The following TTN variants were observed in gnomAD, a reference collection of about 807,000 sequenced individuals.
TTN encodes connectin.
TTN carries 1,525 observed loss-of-function variants against 3,223.0 expected under a neutral mutation model. The observed-to-expected ratio is 0.47, with a 90% CI of 0.45 to 0.49. TTN has a LOEUF of 0.49. TTN is among the 20% of genes least tolerant of loss of function. The pLI, the probability that TTN is intolerant of heterozygous loss-of-function variation, is 0.00. For missense variants in TTN, 40,786 were observed against 43,424.0 expected (o/e 0.94, Z 5.40); for synonymous variants, 14,094 against 15,161.0 (o/e 0.93, Z 5.17).
At position 178,663,614 on chromosome 2, in the gene TTN, C is replaced by T. The variant is rs758624046; in HGVS notation, c.36532+13G>A. The T allele has an allele frequency of 2.4e-5, 38 of 1,613,528 alleles. No individual in the cohort carries two copies. In the East Asian group the frequency reaches 7.8e-4, roughly 33 times the overall value. ...AGATACATCATCTGAAGCCTAAAAT[C>T]AGTGACAAATACCTTTAACAGGTGG... On this transcript the variant is annotated intron_variant, in intron 171 of 362. Transcript: ENST00000589042.
rs1328837644 is a variant in TTN, at chr2:178,653,298, C to T, written c.38731G>A (p.Val12911Ile). 2.5e-6 allele frequency: 4 copies of T among 1,612,510 alleles called. No homozygotes were observed. The Admixed American group carries it at 5.0e-5, about 20-fold the overall frequency. ...GCCAAGGGCACTTTCTTTTCAAGGA[C>T]AACTTCTTTGGGAGCCTCTGGCACT... ...VTVPEAPKEV[V>I]LEKKVPLAPP... Residue 12911 changes from valine to isoleucine, a missense_variant, in exon 198 of 363, where the codon GTC (valine) becomes ATC (isoleucine). Coordinates refer to ENST00000589042, the MANE Select transcript of TTN (RefSeq NM_001267550.2).
intron 242 of TTN, among the ~76,000 whole-genome samples, chr2:178,623,362 G>T (rs535218926): frequency 6.6e-6 from 1 of 150,824 alleles, no homozygotes; most frequent in African/African-American, 2.4e-5. Context: ...GTATGGGAGG[G>T]TGATTAGGAT....
Position 178,709,867 on chromosome 2 carries a change from T to C in TTN, c.28463-11A>G, listed in dbSNP as rs557527670. On this transcript the variant is annotated splice_polypyrimidine_tract_variant and intron_variant, in intron 98 of 362. Coordinates refer to ENST00000589042, the MANE Select transcript of TTN (RefSeq NM_001267550.2). The stretch of plus-strand genomic sequence containing the variant: ...GTGGGATGAGCCGCTCTATAAGAAA[T>C]TGCAAGGATATATGAAGTAGAAGCT... The C allele has an allele frequency of 6.2e-7, 1 of 1,603,684 alleles. No homozygotes were observed. Among genetic ancestry groups the C allele is most frequent in the Non-Finnish European group, 8.5e-7 (1 of 1,174,126 alleles).
In TTN at chr2:178,598,760, T is replaced by C; in HGVS notation, c.56950A>G (p.Arg18984Gly). ...ASLPSDPATA[R>G]DPIAPPGPPF... ...TTTCCAGGCTTACCAATTGGATCTCTAGCAGTCGCTGGGTCTGATGGCAGA... is the reference window on the plus strand; with the variant it reads ...TTTCCAGGCTTACCAATTGGATCTCCAGCAGTCGCTGGGTCTGATGGCAGA... Residue 18984 changes from arginine to glycine, a missense_variant, in exon 291 of 363, where the codon AGA becomes GGA. By Grantham distance (125) the Arg-to-Gly change is moderately radical. Coordinates refer to ENST00000589042, the MANE Select transcript of TTN (RefSeq NM_001267550.2). 6.2e-7 allele frequency: 1 copy of C among 1,611,188 alleles called. No homozygotes were observed. Among genetic ancestry groups the C allele is most frequent in the East Asian group, 2.2e-5 (1 of 44,780 alleles).
intron 46 of TTN, among the ~76,000 whole-genome samples, chr2:178,755,877 A>T (rs1360684052): frequency 6.6e-6 from 1 of 152,230 alleles, no homozygotes; most frequent in Non-Finnish European, 1.5e-5. Context: ...ATCTGGCACA[A>T]TAATAAATAC....
At position 178,532,576 on chromosome 2, in the gene TTN, C is replaced by T. The variant is rs753652745; in HGVS notation, c.104039G>A (p.Arg34680Lys). ...YLAMKRTEEE[R>K]LRLEEELELG... ...CTCAAGCTCTTCTTCAAGACGCAGC[C>T]TCTCTTCCTCTGTTCTTTTCATTGC... Residue 34680 changes from arginine to lysine, a missense_variant, in exon 358 of 363, where the codon AGG becomes AAG. Arg to Lys is a conservative substitution (Grantham distance 26). Coordinates refer to ENST00000589042, the MANE Select transcript of TTN (RefSeq NM_001267550.2). The T allele has an allele frequency of 6.2e-7, 1 of 1,613,938 alleles. No homozygotes were observed. The highest frequency in any genetic ancestry group is 8.5e-7 in the Non-Finnish European group (1 of 1,179,844).
intron 270 of TTN, 131 bp downstream of exon 270, chr2:178,610,862 A>T (rs2154199340): frequency 8.7e-7 from 1 of 1,144,662 alleles, no homozygotes; most frequent in East Asian, 2.4e-5. Context: ...ATGGAAAGAC[A>T]TAATCAGAAG....
intron 96 of TTN, 70 bp downstream of exon 96, chr2:178,711,870 TAGGC>T: frequency 6.7e-7 from 1 of 1,490,326 alleles, no homozygotes; most frequent in Non-Finnish European, 8.9e-7. Context: ...TCCTAAAAAA[TAGGC>T]CTCCCCAGAC....
chr2:178,784,456 T>C (rs1451576053), intron 15 of TTN, 105 bp from the exon 16 acceptor site: 4 of 1,382,256 alleles, frequency 2.9e-6, no homozygotes, highest in Non-Finnish European at 4.0e-6. Context: ...TGTTCTTTAA[T>C]GTTCTCATTA....
rs778200357 is a variant in TTN at position 178,614,622 on chromosome 2, T to A, written c.48892A>T (p.Ile16298Phe). The change falls in exon 261 of 363, where the codon ATT becomes TTT. Residue 16298 changes from isoleucine (I) to phenylalanine (F), a missense_variant. Transcript: ENST00000589042. ...PKITWTKADM[I>F]LKQDKRITIE... Reference sequence around the variant, plus strand: ...GTAATTCTTTTGTCCTGCTTCAGAATCATATCAGCCTTTGTCCAAGTTATT... The same window carrying A: ...GTAATTCTTTTGTCCTGCTTCAGAAACATATCAGCCTTTGTCCAAGTTATT... The A allele has an allele frequency of 3.1e-6, 5 of 1,612,510 alleles. No homozygotes were observed. The Admixed American group carries it at 8.3e-5, about 27-fold the overall frequency.
Position 178,684,655 on chromosome 2 carries a change from G to A in TTN, c.32638+11C>T. The stretch of plus-strand genomic sequence containing the variant: ...ATGTTCCTAGTTTTTCTGCTGGGGA[G>A]GTTTGTTTACCTTTGGCTGGGAGAG... On this transcript the variant is annotated intron_variant, in intron 131 of 362. Coordinates refer to ENST00000589042, the MANE Select transcript of TTN (RefSeq NM_001267550.2). 1.2e-6 allele frequency: 2 copies of A among 1,602,600 alleles called. No individual in the cohort carries two copies. The highest frequency in any genetic ancestry group is 2.7e-5 in the African/African-American group (2 of 73,864).
At position 178,552,156 on chromosome 2, in the gene TTN, T is replaced by C; in HGVS notation, c.90744A>G (p.Val30248=). The part of the protein sequence containing the change: ...KADSVILSWD[V]PEDNGGGEIT... ...TTTCTCCTCCTCCATTATCTTCAGG[T>C]ACATCCCATGACAGGATGACACTAT... The change falls in exon 335 of 363, where the codon GTA becomes GTG. Residue 30248 remains valine, a synonymous_variant. Coordinates refer to ENST00000589042, the MANE Select transcript of TTN (RefSeq NM_001267550.2). The C allele has an allele frequency of 6.2e-7, 1 of 1,613,838 alleles. No individual in the cohort carries two copies. Among genetic ancestry groups the C allele is most frequent in the Non-Finnish European group, 8.5e-7 (1 of 1,179,798 alleles).
Position 178,735,783 on chromosome 2 carries a change from G to C in TTN, c.14663C>G (p.Pro4888Arg). Residue 4888 changes from proline to arginine, a missense_variant, in exon 50 of 363, where the codon CCA becomes CGA. Transcript: ENST00000589042. ...AGGCTCTAATTCTTTAATGAAATGT[G>C]GCTTATCAATGATGATCAACTCTGC... is the stretch of plus-strand genomic sequence containing the variant. ...CQAELIIIDK[P>R]HFIKELEPVQ... 1 of 1,613,680 alleles carries C rather than the reference G, an allele frequency of 6.2e-7. No individual in the cohort carries two copies. Among genetic ancestry groups the C allele is most frequent in the Non-Finnish European group, 8.5e-7 (1 of 1,179,788 alleles).
Position 178,537,603 on chromosome 2 carries a change from G to A in TTN, c.99604C>T (p.Leu33202=), listed in dbSNP as rs1440516552. The A allele has an allele frequency of 6.2e-7, 1 of 1,613,646 alleles. No individual in the cohort carries two copies. Among genetic ancestry groups the A allele is most frequent in the Non-Finnish European group, 8.5e-7 (1 of 1,179,670 alleles). ...ATPQFHPGYP[L]KEKYYGAVGS... The stretch of plus-strand genomic sequence containing the variant: ...ACAGCTCCATAATATTTCTCTTTCA[G>A]TGGGTAACCAGGATGGAACTGCGGT... Residue 33202 remains leucine (L), a synonymous_variant, in exon 355 of 363, where the codon CTG becomes TTG. Coordinates refer to ENST00000589042, the MANE Select transcript of TTN (RefSeq NM_001267550.2).
chr2:178,721,948 A>G lies in TTN; in HGVS notation c.22715T>C (p.Leu7572Ser), dbSNP rs759949024. The G allele has an allele frequency of 6.2e-7, 1 of 1,613,558 alleles. No homozygotes were observed. Among genetic ancestry groups the G allele is most frequent in the Non-Finnish European group, 8.5e-7 (1 of 1,179,564 alleles). The change falls in exon 78 of 363, where the codon TTG becomes TCG. Residue 7572 changes from leucine to serine, a missense_variant. Coordinates refer to ENST00000589042, the MANE Select transcript of TTN (RefSeq NM_001267550.2). ...TCCTTTGCCTACTTTAAGAATTCTC[A>G]AATGAGGAGTGTTTCCCACACATGT... ...TITCVGNTPH[L>S]RILKVGKGDS...
At chr2:178,796,145 A>G (rs559297901) in intron 6 of TTN, among the ~76,000 whole-genome samples, 20 of 152,332 alleles carry the variant, frequency 1.3e-4, no homozygotes, top group South Asian at 2.1e-4. Flanking sequence ...CTGATGGCCA[A>G]AAAAGACTAT....
Position 178,620,076 on chromosome 2 carries a change from G to C in TTN, c.46341C>G (p.Leu15447=). 6.2e-7 allele frequency: 1 copy of C among 1,611,818 alleles called. No homozygotes were observed. Among genetic ancestry groups the C allele is most frequent in the East Asian group, 2.2e-5 (1 of 44,636 alleles). Residue 15447 remains leucine, a synonymous_variant, in exon 249 of 363, where the codon CTC becomes CTG. Coordinates refer to ENST00000589042, the MANE Select transcript of TTN (RefSeq NM_001267550.2). ...CATCCAGCCTGCAATCTTTTATAAT[G>C]AGTCTGTGTATACTTCCATCTTTTT... is the stretch of plus-strand genomic sequence containing the variant. ...KFEKDGSIHR[L]IIKDCRLDDE... is the part of the protein sequence containing the mutation.
chr2:178,673,417 A>G (rs1381631575), intron 152 of TTN, among the ~76,000 whole-genome samples: 1 of 151,770 alleles, frequency 6.6e-6, no homozygotes, highest in Non-Finnish European at 1.5e-5. Context: ...CTCAGTTAAG[A>G]AGCTTCTAGA....
In TTN at chr2:178,578,840, C is replaced by A; in HGVS notation, c.68190G>T (p.Leu22730=). ...AENKYGVGEG[L]KSEPIVARHP... ...GTCTCGCAACAATTGGCTCCGATTT[C>A]AGGCCTTCCCCTACACCATATTTAT... Residue 22730 remains leucine (L), a synonymous_variant, in exon 320 of 363, where the codon CTG becomes CTT. Coordinates refer to ENST00000589042, the MANE Select transcript of TTN (RefSeq NM_001267550.2). The A allele has an allele frequency of 6.2e-7, 1 of 1,611,744 alleles. No homozygotes were observed. The highest frequency in any genetic ancestry group is 8.5e-7 in the Non-Finnish European group (1 of 1,178,530).
Sources: allele counts gnomAD v4.1 joint callset (sites outside exome capture counted in the v4.1 genomes callset), GRCh38; gene constraint gnomAD v4.1.1; transcripts MANE v1.5; gene names NCBI Gene and HGNC (gene_info 2026-07-23, HGNC 2026-07-21).